Variants in FAM76A observed in about 807,000 individuals in gnomAD.
FAM76A encodes protein FAM76A.
FAM76A carries 32 observed loss-of-function variants against 46.2 expected under a neutral mutation model. The observed-to-expected ratio is 0.69, with a 90% CI of 0.52 to 0.93. FAM76A has a LOEUF of 0.93. FAM76A is among the 40% of genes least tolerant of loss of function. The probability of loss-of-function intolerance (pLI) is 0.00; values close to 1 mark genes in which losing one functional copy is unlikely to be tolerated. For missense variants in FAM76A, 274 were observed against 361.5 expected, an observed-to-expected ratio of 0.76 and a Z score of 1.96; for synonymous variants, 137 against 127.0, an observed-to-expected ratio of 1.08 and a Z score of -0.53.
chr1:27,736,933 C>G (rs1305289187), intron 4 of FAM76A, among the ~76,000 whole-genome samples: 1 of 151,526 alleles, frequency 6.6e-6, no homozygotes, highest in Non-Finnish European at 1.5e-5. Context: ...GGCCAGTGCT[C>G]TTTTATTTCT....
rs138984922 is a variant in FAM76A at position 27,760,541 on chromosome 1, G to A, written c.884G>A (p.Ser295Asn). 3.1e-6 allele frequency: 5 copies of A among 1,612,364 alleles called. No individual in the cohort carries two copies. In the South Asian group the frequency reaches 5.5e-5, roughly 18 times the overall value. Residue 295 changes from serine (S) to asparagine (N), a missense_variant, in exon 9 of 9, where the codon AGC becomes AAC. By Grantham distance (46) the Ser-to-Asn change is conservative. Coordinates refer to ENST00000373954, the MANE Select transcript of FAM76A (RefSeq NM_152660.3). ...LLKQAAALSKSKKSEKSGAIT... is the reference protein window; with the variant it reads ...LLKQAAALSKNKKSEKSGAIT... ...AAGCAGGCAGCTGCTTTGTCCAAGA[G>A]CAAGAAGTCAGAGAAGTCAGGAGCT...
chr1:27,747,492 A>G (rs2088259947), intron 5 of FAM76A, among the ~76,000 whole-genome samples: 1 of 152,258 alleles, frequency 6.6e-6, no homozygotes, highest in Admixed American at 6.5e-5. Flanking sequence ...AAGTGAAAGG[A>G]TTGCATAGCA....
chr1:27,747,563 C>A (rs1405897210), intron 5 of FAM76A, among the ~76,000 whole-genome samples: 1 of 152,194 alleles, frequency 6.6e-6, no homozygotes, highest in African/African-American at 2.4e-5. Flanking sequence ...GGGGCTAAAA[C>A]TGATTTTTAG....
chr1:27,755,660 A>G (rs544969059), intron 7 of FAM76A, among the ~76,000 whole-genome samples: 1 of 152,256 alleles, frequency 6.6e-6, no homozygotes, highest in East Asian at 1.9e-4. Flanking sequence ...TGCAGCCTCT[A>G]ACTTCCAGTC....
intron 5 of FAM76A, among the ~76,000 whole-genome samples, chr1:27,745,567 C>T (rs551585537): frequency 1.3e-5 from 2 of 152,180 alleles, no homozygotes; most frequent in Non-Finnish European, 2.9e-5. Flanking sequence ...AGTCATGCTG[C>T]TCTCCAAGAG....
In FAM76A at chr1:27,759,530, C is replaced by G; in HGVS notation, c.740C>G (p.Thr247Arg). Residue 247 changes from threonine to arginine, a missense_variant, in exon 8 of 9, where the codon ACA becomes AGA. Coordinates refer to ENST00000373954, the MANE Select transcript of FAM76A (RefSeq NM_152660.3). ...QMILEKEKKI[T>R]ELKADFQYQE... ...ATTCTGCCTTGTTTCCCTCAGATTACAGAGTTGAAGGCTGATTTTCAGTAC... is the reference window on the plus strand; with the variant it reads ...ATTCTGCCTTGTTTCCCTCAGATTAGAGAGTTGAAGGCTGATTTTCAGTAC... The G allele has an allele frequency of 6.2e-7, 1 of 1,606,042 alleles. No homozygotes were observed. Among genetic ancestry groups the G allele is most frequent in the Non-Finnish European group, 8.5e-7 (1 of 1,176,740 alleles).
At chr1:27,727,636 T>C in intron 2 of FAM76A, 100 bp downstream of exon 2, 4 of 847,146 alleles carry the variant, frequency 4.7e-6, no homozygotes, top group Non-Finnish European at 7.8e-6. Context: ...TCAGTTGCAT[T>C]GTAAAATACA....
chr1:27,728,987 G>A (rs2087910876), intron 2 of FAM76A, among the ~76,000 whole-genome samples: 2 of 151,498 alleles, frequency 1.3e-5, no homozygotes, highest in South Asian at 2.1e-4. Context: ...AGTGTGAAAT[G>A]CAGGTATGAG....
intron 2 of FAM76A, among the ~76,000 whole-genome samples, chr1:27,732,344 C>T (rs572111301): frequency 2.6e-5 from 4 of 152,196 alleles, no homozygotes; most frequent in East Asian, 1.9e-4. Context: ...GCATGAGAAT[C>T]GCTTGAACTT....
intron 5 of FAM76A, among the ~76,000 whole-genome samples, chr1:27,747,818 G>A (rs2088264938): frequency 1.3e-5 from 2 of 152,112 alleles, no homozygotes; most frequent in South Asian, 4.1e-4. Flanking sequence ...TATTCGGGAG[G>A]CTGAGGTGGA....
chr1:27,756,551 A>C (rs1204502523), intron 7 of FAM76A, among the ~76,000 whole-genome samples: 4 of 151,944 alleles, frequency 2.6e-5, no homozygotes, highest in Non-Finnish European at 4.4e-5. Flanking sequence ...TCATCTTCCC[A>C]AAGTGTTGGG....
At chr1:27,739,431 A>G in intron 4 of FAM76A, 1 of 498,368 alleles carries the variant, frequency 2.0e-6, no homozygotes, top group East Asian at 5.5e-5. Flanking sequence ...GTTTTTCTCT[A>G]AGGATTAAGA....
At chr1:27,745,946 T>G (rs1349232720) in intron 5 of FAM76A, among the ~76,000 whole-genome samples, 2 of 152,180 alleles carry the variant, frequency 1.3e-5, no homozygotes, top group East Asian at 1.9e-4. Context: ...AATGGAAACT[T>G]GATCCTGAGG....
rs1399828029 is a variant in FAM76A, at chr1:27,755,017, T to A, written c.600-178T>A. ...TCGTAGAGTTATCTGATGGCCACCT[T>A]ACCTCTGCAGTTCAGCTCAGCAAGT... On this transcript the variant is annotated intron_variant, in intron 6 of 8. Coordinates refer to ENST00000373954, the MANE Select transcript of FAM76A (RefSeq NM_152660.3). 3.9e-5 allele frequency among the ~76,000 whole-genome samples: 6 copies of A among 152,298 alleles called. No individual in the cohort carries two copies. In the East Asian group the frequency reaches 1.2e-3, roughly 29 times the overall value.
At chr1:27,752,777 G>C (rs2088351816) in intron 6 of FAM76A, among the ~76,000 whole-genome samples, 1 of 152,176 alleles carries the variant, frequency 6.6e-6, no homozygotes, top group Non-Finnish European at 1.5e-5. Flanking sequence ...CCTGTCATTG[G>C]AGCCATTAGG....
intron 6 of FAM76A, among the ~76,000 whole-genome samples, chr1:27,751,128 A>C (rs998493981): frequency 2.0e-5 from 3 of 151,906 alleles, no homozygotes; most frequent in Non-Finnish European, 4.4e-5. Flanking sequence ...AGTTGAGCCT[A>C]GGCAGTGAGA....
chr1:27,731,766 T>G (rs1176718155), intron 2 of FAM76A, among the ~76,000 whole-genome samples: 2 of 152,214 alleles, frequency 1.3e-5, no homozygotes, highest in Admixed American at 1.3e-4. Context: ...TAATTTTATT[T>G]AGTGATACTT....
intron 2 of FAM76A, among the ~76,000 whole-genome samples, chr1:27,731,431 C>A (rs1256347568): frequency 6.6e-6 from 1 of 151,898 alleles, no homozygotes; most frequent in East Asian, 1.9e-4. Context: ...GTCTCAAACT[C>A]CTGACCTCAG....
chr1:27,761,112 G>A lies in FAM76A; in HGVS notation c.*531G>A, dbSNP rs541197072. 6.7e-6 allele frequency: 1 copy of A among 148,228 alleles called. No homozygotes were observed. Among genetic ancestry groups the A allele is most frequent in the South Asian group, 2.1e-4 (1 of 4,704 alleles). The allele number at this position is 148,228 out of a possible 1,614,324, so 9.2% of individuals were successfully genotyped here. ...CTCTCCAATAAACCTTTTGCTTCAG[G>A]GTATACTCTTCGGTTTTTTTCCAGA... On this transcript the variant is annotated 3_prime_UTR_variant, in exon 9 of 9. Transcript: ENST00000373954.
Sources: allele counts gnomAD v4.1 joint callset (sites outside exome capture counted in the v4.1 genomes callset), GRCh38; gene constraint gnomAD v4.1.1; transcripts MANE v1.5; gene names NCBI Gene and HGNC (gene_info 2026-07-23, HGNC 2026-07-21).